SGCZ: variants seen among roughly 807,000 people sequenced by gnomAD.
SGCZ encodes zeta-sarcoglycan.
SGCZ carries 40 observed loss-of-function variants against 41.3 expected under a neutral mutation model. The ratio of observed to expected loss-of-function variants is 0.97; its 90% CI spans 0.75 to 1.26. The LOEUF (loss-of-function observed/expected upper bound fraction) is 1.26. Ranked by LOEUF, SGCZ falls within the 50% of genes most tolerant of loss-of-function variation. The probability of loss-of-function intolerance (pLI) is 0.00; values close to 1 mark genes in which losing one functional copy is unlikely to be tolerated. For synonymous variants in SGCZ, 206 were observed against 137.5 expected (o/e 1.50, Z -3.49); for missense variants, 552 against 369.8 (o/e 1.49, Z -4.04).
chr8:14,365,313 T>G (rs747026195), intron 2 of SGCZ, among the ~76,000 whole-genome samples: 1 of 152,110 alleles, frequency 6.6e-6, no homozygotes, highest in African/African-American at 2.4e-5. Flanking sequence ...TTAATTACTT[T>G]AGTTAAATAA....
chr8:14,137,318 G>A (rs571715286), intron 5 of SGCZ, among the ~76,000 whole-genome samples: 68 of 152,232 alleles, frequency 4.5e-4, no homozygotes, highest in Non-Finnish European at 7.1e-4. Flanking sequence ...AAAGATGGGC[G>A]GAGAATGACT....
At chr8:14,231,719 G>A (rs1806578838) in intron 4 of SGCZ, among the ~76,000 whole-genome samples, 1 of 152,020 alleles carries the variant, frequency 6.6e-6, no homozygotes, top group Admixed American at 6.6e-5. Flanking sequence ...ATGTAGAGTT[G>A]TTAAAAATAG....
intron 2 of SGCZ, among the ~76,000 whole-genome samples, chr8:14,469,131 T>G (rs1801137805): frequency 6.6e-6 from 1 of 152,032 alleles, no homozygotes; most frequent in African/African-American, 2.4e-5. Flanking sequence ...CCTCCACTTT[T>G]TGCTTCAATG....
intron 1 of SGCZ, among the ~76,000 whole-genome samples, chr8:15,209,945 T>G (rs976383555): frequency 2.6e-5 from 4 of 152,152 alleles, no homozygotes; most frequent in African/African-American, 9.7e-5. Context: ...TTTTAGGAGA[T>G]GGCAGTTATG....
At chr8:14,508,200 C>T (rs964923138) in intron 2 of SGCZ, among the ~76,000 whole-genome samples, 2 of 152,138 alleles carry the variant, frequency 1.3e-5, no homozygotes, top group Non-Finnish European at 2.9e-5. Flanking sequence ...TCTTCACTGT[C>T]TCCCTCATTA....
At chr8:14,286,419 C>T (rs1217120786) in intron 3 of SGCZ, among the ~76,000 whole-genome samples, 1 of 151,928 alleles carries the variant, frequency 6.6e-6, no homozygotes, top group East Asian at 1.9e-4. Flanking sequence ...TTTAAAATGA[C>T]ATAGATAACT....
At chr8:14,140,504 C>G (rs1286244246) in intron 5 of SGCZ, among the ~76,000 whole-genome samples, 4 of 152,152 alleles carry the variant, frequency 2.6e-5, no homozygotes, top group Non-Finnish European at 5.9e-5. Context: ...ACAAAAATCA[C>G]AAGCATTCTT....
chr8:14,746,268 T>C (rs926312854), intron 1 of SGCZ, among the ~76,000 whole-genome samples: 9 of 152,102 alleles, frequency 5.9e-5, no homozygotes, highest in African/African-American at 2.2e-4. Context: ...TCTTTAAAAA[T>C]TTTATACACA....
intron 1 of SGCZ, among the ~76,000 whole-genome samples, chr8:15,157,447 A>AT (rs200518066): frequency 0.011 from 1,735 of 151,636 alleles, 39 homozygotes; most frequent in African/African-American, 0.039. Context: ...GTAGCCCGTA[A>AT]TTTTTTTCAT....
intron 1 of SGCZ, among the ~76,000 whole-genome samples, chr8:14,777,500 C>T (rs1360706458): frequency 6.6e-6 from 1 of 152,050 alleles, no homozygotes; most frequent in Admixed American, 6.6e-5. Context: ...TCCAGTTTGC[C>T]TTTTCTAGTT....
chr8:15,109,463 G>A (rs549777418), intron 1 of SGCZ, among the ~76,000 whole-genome samples: 6 of 152,094 alleles, frequency 3.9e-5, no homozygotes, highest in Non-Finnish European at 5.9e-5. Flanking sequence ...AGAATCATAA[G>A]ACACAGAAAG....
chr8:14,298,386 C>T (rs1044910223), intron 3 of SGCZ, among the ~76,000 whole-genome samples: 3 of 151,698 alleles, frequency 2.0e-5, no homozygotes, highest in African/African-American at 4.8e-5. Flanking sequence ...ATACATAATA[C>T]TAAGATTGAA....
chr8:14,674,080 G>A (rs1345533884), intron 1 of SGCZ, among the ~76,000 whole-genome samples: 1 of 151,946 alleles, frequency 6.6e-6, no homozygotes, highest in East Asian at 1.9e-4. Flanking sequence ...TATTTTTTTA[G>A]AAATTAGTAT....
chr8:14,435,560 C>T (rs1800066647), intron 2 of SGCZ, among the ~76,000 whole-genome samples: 1 of 152,172 alleles, frequency 6.6e-6, no homozygotes, highest in African/African-American at 2.4e-5. Flanking sequence ...AAAGCAACTT[C>T]TGAGCCACGA....
At chr8:14,343,918 G>C (rs1485733041) in intron 2 of SGCZ, among the ~76,000 whole-genome samples, 1 of 151,864 alleles carries the variant, frequency 6.6e-6, no homozygotes, top group Non-Finnish European at 1.5e-5. Flanking sequence ...AAAAAAAAGA[G>C]GTGATCCAAT....
intron 1 of SGCZ, among the ~76,000 whole-genome samples, chr8:15,227,005 G>C (rs774555567): frequency 3.9e-5 from 6 of 152,178 alleles, no homozygotes; most frequent in Non-Finnish European, 7.3e-5. Flanking sequence ...GACAGAGAAT[G>C]AAAGGTGTGC....
chr8:14,406,807 G>A (rs1799223038), intron 2 of SGCZ, among the ~76,000 whole-genome samples: 1 of 152,080 alleles, frequency 6.6e-6, no homozygotes, highest in African/African-American at 2.4e-5. Flanking sequence ...ATTAAAAGTG[G>A]GTATAAATAT....
At chr8:14,482,454 A>G (rs905149739) in intron 2 of SGCZ, among the ~76,000 whole-genome samples, 4 of 151,994 alleles carry the variant, frequency 2.6e-5, no homozygotes, top group African/African-American at 9.7e-5. Flanking sequence ...TCCTCCTTTA[A>G]TCTCCCTTAC....
intron 1 of SGCZ, among the ~76,000 whole-genome samples, chr8:14,691,645 A>G (rs752599594): frequency 6.6e-6 from 1 of 152,110 alleles, no homozygotes; most frequent in Non-Finnish European, 1.5e-5. Context: ...TGACTCATAT[A>G]GTAGAAATAG....
Sources: gnomAD v4.1 joint callset for allele counts (sites outside exome capture counted in the v4.1 genomes callset) on GRCh38, gnomAD v4.1.1 for gene constraint, MANE v1.5 for transcripts, NCBI Gene and HGNC (gene_info 2026-07-23, HGNC 2026-07-21) for gene names.